Variants in IRAK1BP1 observed in about 807,000 individuals in gnomAD.
IRAK1BP1 encodes the protein interleukin 1 receptor associated kinase 1 binding protein 1.
A neutral mutation model predicts 28.0 loss-of-function variants in IRAK1BP1; 24 were observed. The ratio of observed to expected loss-of-function variants is 0.86; its 90% CI spans 0.62 to 1.20. The LOEUF (loss-of-function observed/expected upper bound fraction) is 1.20, where lower values mean the gene tolerates loss of function less well. Among genes scored for constraint, IRAK1BP1 ranks in the 50% most tolerant of loss-of-function variants. IRAK1BP1 has a pLI of 0.00. For missense variants in IRAK1BP1, 336 were observed against 316.7 expected, an observed-to-expected ratio of 1.06 and a Z score of -0.46; for synonymous variants, 131 against 116.3, an observed-to-expected ratio of 1.13 and a Z score of -0.81.
At chr6:78,932,415 C>CT (rs1156772177) in intron 4 of IRAK1BP1, among the ~76,000 whole-genome samples, 2 of 120,006 alleles carry the variant, frequency 1.7e-5, no homozygotes, top group African/African-American at 2.9e-5. Flanking sequence ...TCTTTTCTTT[C>CT]TTTTTCTTTT....
intron 4 of IRAK1BP1, among the ~76,000 whole-genome samples, chr6:78,931,547 A>T (rs919589028): frequency 6.6e-6 from 1 of 152,212 alleles, no homozygotes; most frequent in African/African-American, 2.4e-5. Flanking sequence ...CCACCAAAAT[A>T]TAACAAATAT....
intron 4 of IRAK1BP1, among the ~76,000 whole-genome samples, chr6:78,914,877 G>A (rs1772518907): frequency 6.6e-6 from 1 of 152,208 alleles, no homozygotes; most frequent in Admixed American, 6.5e-5. Flanking sequence ...CTGGAGTGCA[G>A]TGGTGTGATC....
downstream of IRAK1BP1, among the ~76,000 whole-genome samples, chr6:78,948,026 CTT>C (rs1463887610): frequency 1.3e-5 from 2 of 151,654 alleles, no homozygotes; most frequent in Non-Finnish European, 2.9e-5. Flanking sequence ...TCACTGGAGA[CTT>C]GGGAGATGGA....
At chr6:78,882,203 C>T (rs1282438324) in intron 1 of IRAK1BP1, among the ~76,000 whole-genome samples, 1 of 151,970 alleles carries the variant, frequency 6.6e-6, no homozygotes, top group African/African-American at 2.4e-5. Context: ...CTGCATAAGC[C>T]TATAATATCT....
chr6:78,945,732 G>C, exon 5 of IRAK1BP1: 1 of 599,238 alleles, frequency 1.7e-6, no homozygotes, highest in Admixed American at 2.6e-5. Flanking sequence ...GCAAGTCTTG[G>C]CAAATTGCTA....
the IRAK1BP1 span, among the ~76,000 whole-genome samples, chr6:78,976,170 A>T: frequency 4.7e-5 from 7 of 150,000 alleles, no homozygotes; most frequent in Admixed American, 2.0e-4. Flanking sequence ...CTGGGACCAA[A>T]ACAGAGATAT....
chr6:78,948,778 GCCA>G (rs1329162868), downstream of IRAK1BP1, among the ~76,000 whole-genome samples: 2 of 152,144 alleles, frequency 1.3e-5, no homozygotes, highest in Non-Finnish European at 2.9e-5. Context: ...ATAGGCATTA[GCCA>G]CCACACCTGG....
chr6:78,877,691 G>A (rs1019206603), intron 1 of IRAK1BP1, among the ~76,000 whole-genome samples: 9 of 152,338 alleles, frequency 5.9e-5, no homozygotes, highest in African/African-American at 2.2e-4. Context: ...GCAGGGCGAG[G>A]CATCACCTTA....
intron 2 of IRAK1BP1, among the ~76,000 whole-genome samples, chr6:78,895,360 C>T (rs889761759): frequency 1.3e-5 from 2 of 152,084 alleles, no homozygotes; most frequent in East Asian, 3.9e-4. Context: ...TTTCCTAGCT[C>T]ATTCTTTGAG....
intron 2 of IRAK1BP1, among the ~76,000 whole-genome samples, chr6:78,888,446 G>A (rs1771507577): frequency 6.6e-6 from 1 of 151,978 alleles, no homozygotes; most frequent in African/African-American, 2.4e-5. Context: ...GTATGCGTAT[G>A]TCCAAACTCA....
At position 78,940,258 on chromosome 6, in the gene IRAK1BP1, G is replaced by A. The variant is rs375807899; in HGVS notation, c.*68-5150G>A. ...CATCTATCTTTTAGGGGCATGACTT[G>A]TATCAATAGAAATGTACCTCACTTG... On this transcript the variant is annotated intron_variant and NMD_transcript_variant, in intron 4 of 4. Coordinates refer to the IRAK1BP1 transcript ENST00000606868. 48 of 151,988 alleles carry A rather than the reference G, an allele frequency of 3.2e-4. 1 individual carries two copies. The highest frequency in any genetic ancestry group is 1.1e-3 in the African/African-American group (44 of 41,518). The allele number at this position is 151,988 out of a possible 1,614,324, so 9.4% of individuals were successfully genotyped here. A position where few individuals can be genotyped will look rare whatever the true frequency, so the allele number is the denominator to read the frequency against.
At chr6:78,932,426 T>C (rs1290781989) in intron 4 of IRAK1BP1, among the ~76,000 whole-genome samples, 2 of 147,924 alleles carry the variant, frequency 1.4e-5, no homozygotes, top group Non-Finnish European at 3.0e-5. Context: ...TTTTTCTTTT[T>C]TTTTTTTTTT....
intron 4 of IRAK1BP1, among the ~76,000 whole-genome samples, chr6:78,933,557 G>T (rs1424777863): frequency 6.6e-6 from 1 of 152,144 alleles, no homozygotes; most frequent in Non-Finnish European, 1.5e-5. Context: ...GGAGGTTTCA[G>T]TGAGCTGAGA....
chr6:78,893,312 G>GTATA lies in IRAK1BP1; in HGVS notation c.382-4516_382-4515insATAT, dbSNP rs1188973498. Reference sequence around the variant, plus strand: ...TATATATGTGTGTGTGTGTGTGTGTGTGTATATATATATATATATATATAT... The same window carrying GTATA: ...TATATATGTGTGTGTGTGTGTGTGTGTATATGTATATATATATATATATATATAT... On this transcript the variant is annotated intron_variant, in intron 2 of 3. Coordinates refer to ENST00000369940, the MANE Select transcript of IRAK1BP1 (RefSeq NM_001010844.4). Among the ~76,000 whole-genome samples, 85 of 64,172 alleles carry GTATA rather than the reference G, an allele frequency of 1.3e-3. No homozygotes were observed. The East Asian group carries it at 0.03, about 22-fold the overall frequency. 42.1% of individuals were successfully genotyped at this position (64,172 alleles called of 152,430 possible).
chr6:78,917,106 T>A (rs1283972422), intron 4 of IRAK1BP1, among the ~76,000 whole-genome samples: 2 of 151,910 alleles, frequency 1.3e-5, no homozygotes, highest in South Asian at 2.1e-4. Context: ...CAGATCAAGA[T>A]TTCAAAGCAT....
intron 4 of IRAK1BP1, among the ~76,000 whole-genome samples, chr6:78,926,023 A>G (rs1036199146): frequency 1.3e-5 from 2 of 152,148 alleles, no homozygotes; most frequent in Non-Finnish European, 2.9e-5. Context: ...AATAGACAGT[A>G]GGACCTACTG....
chr6:78,910,427 A>G (rs916207855), intron 4 of IRAK1BP1, among the ~76,000 whole-genome samples: 41 of 152,262 alleles, frequency 2.7e-4, no homozygotes, highest in African/African-American at 9.2e-4. Context: ...TCAGCATCAG[A>G]ACAGAATCCC....
At chr6:78,880,344 T>G (rs9448588) in intron 1 of IRAK1BP1, among the ~76,000 whole-genome samples, 71,314 of 152,084 alleles carry the variant, frequency 0.47, 17,140 homozygotes, top group East Asian at 0.69. Flanking sequence ...GCATCATGTT[T>G]GTGCTTAAAA....
the IRAK1BP1 span, among the ~76,000 whole-genome samples, chr6:78,976,756 C>T: frequency 6.9e-6 from 1 of 145,564 alleles, no homozygotes; most frequent in Non-Finnish European, 1.5e-5. Flanking sequence ...ATTTATGCAG[C>T]CAAAAAACAC....
Sources: gnomAD v4.1 joint callset for allele counts (sites outside exome capture counted in the v4.1 genomes callset) on GRCh38, gnomAD v4.1.1 for gene constraint, MANE v1.5 for transcripts, NCBI Gene and HGNC (gene_info 2026-07-23, HGNC 2026-07-21) for gene names.